HOMER2: variants seen among roughly 807,000 people sequenced by gnomAD.
HOMER2 encodes the protein homer scaffold protein 2, also known as homer protein homolog 2.
A neutral mutation model predicts 47.0 loss-of-function variants in HOMER2; 27 were observed. The observed-to-expected ratio is 0.57, with a 90% CI of 0.42 to 0.79. HOMER2 has a LOEUF of 0.79. Among genes scored for constraint, HOMER2 ranks in the 30% least tolerant of loss-of-function variants. The pLI, the probability that HOMER2 is intolerant of heterozygous loss-of-function variation, is 0.00. For missense variants in HOMER2, 443 were observed against 435.0 expected (o/e 1.02, Z -0.16); for synonymous variants, 161 against 163.8 (o/e 0.98, Z 0.13).
intron 1 of HOMER2, among the ~76,000 whole-genome samples, chr15:82,902,429 C>G (rs528178784): frequency 6.6e-6 from 1 of 152,086 alleles, no homozygotes; most frequent in African/African-American, 2.4e-5. Context: ...AACTCCTGAC[C>G]TTGTGATCCG....
chr15:82,881,613 C>T (rs1426217140), intron 2 of HOMER2, among the ~76,000 whole-genome samples: 1 of 152,190 alleles, frequency 6.6e-6, no homozygotes, highest in Non-Finnish European at 1.5e-5. Flanking sequence ...ACAGAAGGTG[C>T]TCTGTATTTA....
chr15:82,835,622 T>G (rs77416013), downstream of HOMER2: 1 of 152,376 alleles, frequency 6.6e-6, no homozygotes, highest in African/African-American at 2.4e-5. Context: ...ATCCAACTCC[T>G]GTGTATGAAT....
At chr15:82,955,801 T>A (rs2054582142), upstream of HOMER2, among the ~76,000 whole-genome samples, 1 of 152,238 alleles carries the variant, frequency 6.6e-6, no homozygotes, top group Non-Finnish European at 1.5e-5. Flanking sequence ...AAAACAGACG[T>A]CCTTCTGTCA....
chr15:82,864,591 C>T (rs2051902135), intron 3 of HOMER2, among the ~76,000 whole-genome samples: 1 of 152,070 alleles, frequency 6.6e-6, no homozygotes, highest in African/African-American at 2.4e-5. Context: ...AGATCCAAAA[C>T]CTCTTAGTGT....
At chr15:82,981,064 C>T (rs140374876) in intron 1 of HOMER2, among the ~76,000 whole-genome samples, 4 of 152,164 alleles carry the variant, frequency 2.6e-5, no homozygotes, top group Non-Finnish European at 4.4e-5. Context: ...CCAGTAAAGA[C>T]GGAGAGTTGA....
At chr15:82,927,867 G>A (rs1306626320) in intron 1 of HOMER2, among the ~76,000 whole-genome samples, 2 of 151,974 alleles carry the variant, frequency 1.3e-5, no homozygotes, top group Non-Finnish European at 2.9e-5. Context: ...CTACTTCGGA[G>A]GCTGAGGAAG....
chr15:82,855,943 C>G (rs925878132), intron 5 of HOMER2, among the ~76,000 whole-genome samples: 1 of 152,202 alleles, frequency 6.6e-6, no homozygotes, highest in African/African-American at 2.4e-5. Context: ...CAGGGCAGAG[C>G]TGCACGTGAC....
At chr15:82,921,542 CCCAGTCTTGGCTCTG>C in intron 1 of HOMER2, among the ~76,000 whole-genome samples, 1 of 152,220 alleles carries the variant, frequency 6.6e-6, no homozygotes, top group Middle Eastern at 3.2e-3. Context: ...CATCCACACT[CCCAGTCTTGGCTCTG>C]CCAGTGGAGT....
intron 1 of HOMER2, among the ~76,000 whole-genome samples, chr15:82,893,217 T>C (rs1020551566): frequency 4.6e-5 from 7 of 152,200 alleles, no homozygotes; most frequent in African/African-American, 1.4e-4. Context: ...GTGACAAATT[T>C]TGGGGGATTC....
chr15:82,979,609 G>A (rs1017164912), intron 1 of HOMER2, among the ~76,000 whole-genome samples: 4 of 152,036 alleles, frequency 2.6e-5, no homozygotes, highest in African/African-American at 9.7e-5. Context: ...GTGACATGAA[G>A]GAATGAAGAG....
intron 1 of HOMER2, among the ~76,000 whole-genome samples, chr15:82,908,877 A>C (rs2053368979): frequency 6.6e-6 from 1 of 152,040 alleles, no homozygotes; most frequent in South Asian, 2.1e-4. Flanking sequence ...AACCAACTGG[A>C]AGAGATGTTG....
exon 2 of HOMER2, chr15:82,843,463 A>G (rs1182264419): frequency 1.4e-5 from 2 of 139,282 alleles, no homozygotes; most frequent in Non-Finnish European, 3.2e-5. Context: ...AAAAAAAAAA[A>G]AAAAAAAAAG....
intron 1 of HOMER2, among the ~76,000 whole-genome samples, chr15:82,942,206 C>T (rs546701765): frequency 1.3e-5 from 2 of 152,324 alleles, no homozygotes; most frequent in Non-Finnish European, 2.9e-5. Flanking sequence ...CCCTAATTAC[C>T]TGCTCACCAG....
chr15:82,935,990 C>T (rs1567064277), intron 1 of HOMER2, among the ~76,000 whole-genome samples: 2 of 152,190 alleles, frequency 1.3e-5, no homozygotes, highest in Non-Finnish European at 2.9e-5. Context: ...TCATACTGCC[C>T]ATCAAATAAA....
intron 5 of HOMER2, among the ~76,000 whole-genome samples, chr15:82,856,572 T>C (rs1237656808): frequency 6.6e-6 from 1 of 152,108 alleles, no homozygotes; most frequent in Non-Finnish European, 1.5e-5. Context: ...TAAGCTATGA[T>C]GACACCACTG....
intron 3 of HOMER2, among the ~76,000 whole-genome samples, chr15:82,872,193 C>G (rs1032005749): frequency 6.6e-6 from 1 of 152,140 alleles, no homozygotes; most frequent in Non-Finnish European, 1.5e-5. Flanking sequence ...CCCATTACCC[C>G]CTCAGACAGA....
chr15:82,923,486 C>CA (rs555074000), intron 1 of HOMER2, among the ~76,000 whole-genome samples: 1,366 of 56,076 alleles, frequency 0.024, 14 homozygotes, highest in African/African-American at 0.054. Flanking sequence ...GAGTCCGTCT[C>CA]AAAAAAAAAA....
chr15:82,912,845 T>C (rs779272641), intron 1 of HOMER2, among the ~76,000 whole-genome samples: 1 of 152,250 alleles, frequency 6.6e-6, no homozygotes, highest in African/African-American at 2.4e-5. Context: ...ACCGTGTACC[T>C]ATCTGAAGGC....
chr15:82,937,403 C>A (rs1209715580), intron 1 of HOMER2, among the ~76,000 whole-genome samples: 1 of 152,156 alleles, frequency 6.6e-6, no homozygotes, highest in Non-Finnish European at 1.5e-5. Flanking sequence ...TGTGCAGAAG[C>A]AATCAGCCCA....
Sources: gnomAD v4.1 joint callset for allele counts (sites outside exome capture counted in the v4.1 genomes callset) on GRCh38, gnomAD v4.1.1 for gene constraint, MANE v1.5 for transcripts, NCBI Gene and HGNC (gene_info 2026-07-23, HGNC 2026-07-21) for gene names.